The following RAF1 variants were observed in gnomAD, a reference collection of about 807,000 sequenced individuals.
RAF1 encodes the protein Raf-1 proto-oncogene, serine/threonine kinase, also known as RAF proto-oncogene serine/threonine-protein kinase.
Under a neutral mutation model 81.1 loss-of-function variants are expected in RAF1, and 27 were observed. That is an observed-to-expected ratio of 0.33 (90% CI 0.25 to 0.46). The LOEUF (loss-of-function observed/expected upper bound fraction) is 0.46, where lower values mean the gene tolerates loss of function less well. Ranked by LOEUF, RAF1 falls within the 20% of genes least tolerant of loss-of-function variation. The probability of loss-of-function intolerance (pLI) is 1.00; values close to 1 mark genes in which losing one functional copy is unlikely to be tolerated. For synonymous variants in RAF1, 298 were observed against 294.0 expected, an observed-to-expected ratio of 1.01 and a Z score of -0.14; for missense variants, 598 against 826.0, an observed-to-expected ratio of 0.72 and a Z score of 3.38.
intron 1 of RAF1, among the ~76,000 whole-genome samples, chr3:12,632,743 T>C (rs2059901302): frequency 6.6e-6 from 1 of 152,228 alleles, no homozygotes; most frequent in Admixed American, 6.5e-5. Flanking sequence ...GATCCTTTTG[T>C]AGTTTATAAG....
At chr3:12,654,831 A>G (rs1235356523) in intron 1 of RAF1, among the ~76,000 whole-genome samples, 2 of 148,136 alleles carry the variant, frequency 1.4e-5, no homozygotes, top group Non-Finnish European at 3.0e-5. Context: ...AGATCCAAAT[A>G]TAGCCAAATT....
At chr3:12,609,069 T>G in intron 4 of RAF1, 146 bp from the exon 5 acceptor site, 1 of 1,125,880 alleles carries the variant, frequency 8.9e-7, no homozygotes, top group Admixed American at 2.0e-5. Context: ...TTAGAGTATA[T>G]CTCTGACTAA....
chr3:12,653,674 G>C (rs1324439984), intron 1 of RAF1, among the ~76,000 whole-genome samples: 2 of 151,992 alleles, frequency 1.3e-5, no homozygotes, highest in Non-Finnish European at 2.9e-5. Context: ...GAACCCAGGA[G>C]GCAGAGGAGA....
intron 3 of RAF1, among the ~76,000 whole-genome samples, chr3:12,609,659 T>C (rs899079075): frequency 2.6e-5 from 4 of 152,170 alleles, no homozygotes; most frequent in Non-Finnish European, 5.9e-5. Flanking sequence ...AAAATGTTTT[T>C]TGGTAGAGAG....
chr3:12,584,784 T>TA, intron 17 of RAF1, 63 bp downstream of exon 16: 1 of 1,613,770 alleles, frequency 6.2e-7, no homozygotes, highest in Non-Finnish European at 8.5e-7. Context: ...ACTCCCACCT[T>TA]ATATTGCCAT....
At chr3:12,662,758 G>C (rs961973036) in intron 1 of RAF1, among the ~76,000 whole-genome samples, 3 of 151,910 alleles carry the variant, frequency 2.0e-5, no homozygotes, top group African/African-American at 7.3e-5. Flanking sequence ...AAGTCTCCTC[G>C]AGTGTAGAAG....
chr3:12,598,010 C>T (rs59154682), intron 11 of RAF1, among the ~76,000 whole-genome samples: 1,446 of 64,256 alleles, frequency 0.023, 39 homozygotes, highest in African/African-American at 0.08. Flanking sequence ...TTTTCTTTTC[C>T]TTTTTTTTTT....
At chr3:12,587,419 G>T in intron 14 of RAF1, 172 bp downstream of exon 13, 1 of 715,002 alleles carries the variant, frequency 1.4e-6, no homozygotes, top group Non-Finnish European at 2.5e-6. Context: ...ATAAGCTGCT[G>T]AGGGACAGGC....
At chr3:12,602,322 T>C (rs909749509) in intron 8 of RAF1, among the ~76,000 whole-genome samples, 18 of 152,314 alleles carry the variant, frequency 1.2e-4, no homozygotes, top group Non-Finnish European at 1.9e-4. Context: ...GGAATCAAAA[T>C]TTACCCTGCT....
intron 1 of RAF1, among the ~76,000 whole-genome samples, chr3:12,648,728 AGAGT>A (rs1375572232): frequency 6.6e-6 from 1 of 152,128 alleles, no homozygotes; most frequent in African/African-American, 2.4e-5. Flanking sequence ...CCTGAGTGAC[AGAGT>A]GAGATTCTGC....
At chr3:12,602,957 T>C (rs1434971091) in intron 8 of RAF1, among the ~76,000 whole-genome samples, 1 of 152,200 alleles carries the variant, frequency 6.6e-6, no homozygotes, top group African/African-American at 2.4e-5. Flanking sequence ...ATAAACAGAA[T>C]ACCAATGCTG....
At chr3:12,628,048 A>C (rs2059756381) in intron 1 of RAF1, among the ~76,000 whole-genome samples, 1 of 152,214 alleles carries the variant, frequency 6.6e-6, no homozygotes, top group African/African-American at 2.4e-5. Context: ...TGAACCTGGG[A>C]GGCAGAGGTT....
At chr3:12,620,335 T>C (rs901188259) in intron 1 of RAF1, among the ~76,000 whole-genome samples, 1 of 152,156 alleles carries the variant, frequency 6.6e-6, no homozygotes, top group African/African-American at 2.4e-5. Context: ...GGGTTGGCCA[T>C]GTTGGCCAGG....
chr3:12,642,391 C>A (rs1215053255), intron 1 of RAF1, among the ~76,000 whole-genome samples: 13 of 150,150 alleles, frequency 8.7e-5, no homozygotes, highest in African/African-American at 3.2e-4. Flanking sequence ...CGCTTGTAAT[C>A]CCAGCTAGTC....
chr3:12,622,456 T>C (rs1250069888), intron 1 of RAF1, among the ~76,000 whole-genome samples: 1 of 152,236 alleles, frequency 6.6e-6, no homozygotes, highest in Non-Finnish European at 1.5e-5. Context: ...TCAAGACTTC[T>C]GAACTTCGTG....
chr3:12,633,759 C>A (rs1464943266), intron 1 of RAF1, among the ~76,000 whole-genome samples: 1 of 151,458 alleles, frequency 6.6e-6, no homozygotes, highest in Non-Finnish European at 1.5e-5. Context: ...CATGGTGAAA[C>A]CCTGTCTCTA....
chr3:12,662,027 A>T (rs1032406847), intron 1 of RAF1, among the ~76,000 whole-genome samples: 7 of 143,994 alleles, frequency 4.9e-5, no homozygotes, highest in South Asian at 2.2e-4. Context: ...TCTATTATTT[A>T]AAAAAAAAAA....
chr3:12,597,665 A>G (rs932342626), intron 11 of RAF1, among the ~76,000 whole-genome samples: 1 of 152,140 alleles, frequency 6.6e-6, no homozygotes, highest in African/African-American at 2.4e-5. Flanking sequence ...CTGCAATCCC[A>G]GTACTTTGGG....
chr3:12,648,108 T>G (rs1303588623), intron 1 of RAF1, among the ~76,000 whole-genome samples: 1 of 151,906 alleles, frequency 6.6e-6, no homozygotes, highest in Non-Finnish European at 1.5e-5. Flanking sequence ...TTAACCCGAG[T>G]TTTTCTTTTC....
Sources: gnomAD v4.1 joint callset for allele counts (sites outside exome capture counted in the v4.1 genomes callset) on GRCh38, gnomAD v4.1.1 for gene constraint, MANE v1.5 for transcripts, NCBI Gene and HGNC (gene_info 2026-07-23, HGNC 2026-07-21) for gene names.